Variants in KALRN observed in about 807,000 individuals in gnomAD.
KALRN encodes the protein kalirin.
In KALRN, 70 loss-of-function variants were observed where a neutral mutation model predicts 353.7. The observed-to-expected ratio is 0.20, with a 90% CI of 0.16 to 0.24. The LOEUF (loss-of-function observed/expected upper bound fraction) is 0.24, where lower values mean the gene tolerates loss of function less well. KALRN is among the 10% of genes least tolerant of loss of function. The pLI is 1.00. For missense variants in KALRN, 2,791 were observed against 3,756.7 expected, an observed-to-expected ratio of 0.74 and a Z score of 6.72; for synonymous variants, 1,391 against 1,434.8, an observed-to-expected ratio of 0.97 and a Z score of 0.69.
chr3:124,584,831 G>T, intron 34 of KALRN: 5 of 1,604,588 alleles, frequency 3.1e-6, no homozygotes, highest in Non-Finnish European at 4.3e-6. Flanking sequence ...CATGAAGGGC[G>T]GCGACAGGGC....
intron 1 of KALRN, among the ~76,000 whole-genome samples, chr3:124,135,938 C>A (rs1486995165): frequency 6.6e-6 from 1 of 152,184 alleles, no homozygotes; most frequent in African/African-American, 2.4e-5. Context: ...CTGTTACATT[C>A]CCCATTCTAC....
chr3:124,355,709 CTTTTTTTTTTTT>C (rs3055894), intron 10 of KALRN, among the ~76,000 whole-genome samples: 1 of 97,446 alleles, frequency 1.0e-5, no homozygotes, highest in Non-Finnish European at 2.0e-5. Context: ...TCTCTCCCAT[CTTTTTTTTTTTT>C]TTTTTTTTTT....
chr3:124,108,655 G>A (rs1242239850), intron 1 of KALRN, among the ~76,000 whole-genome samples: 4 of 152,120 alleles, frequency 2.6e-5, no homozygotes, highest in Admixed American at 6.6e-5. Context: ...AGCTCTGTTG[G>A]GATAAATCCT....
chr3:124,137,123 G>C (rs2066017872), intron 1 of KALRN, among the ~76,000 whole-genome samples: 1 of 152,186 alleles, frequency 6.6e-6, no homozygotes, highest in Non-Finnish European at 1.5e-5. Context: ...TCTCATTCTG[G>C]AGGGACGTGC....
intron 11 of KALRN, among the ~76,000 whole-genome samples, chr3:124,387,183 C>A (rs1366047233): frequency 6.6e-6 from 1 of 152,158 alleles, no homozygotes; most frequent in African/African-American, 2.4e-5. Context: ...CAGGAATAGT[C>A]AGGAAGTTAT....
intron 1 of KALRN, among the ~76,000 whole-genome samples, chr3:124,214,818 C>G (rs747959196): frequency 2.0e-5 from 3 of 152,152 alleles, no homozygotes; most frequent in Non-Finnish European, 4.4e-5. Context: ...GTGAACTCCC[C>G]CTACTTACTA....
intron 46 of KALRN, among the ~76,000 whole-genome samples, 154 bp from the exon 47 acceptor site, chr3:124,666,858 C>G (rs574908535): frequency 6.6e-6 from 1 of 152,188 alleles, no homozygotes; most frequent in African/African-American, 2.4e-5. Context: ...GATCGTGTCA[C>G]TCACCCAGAG....
Position 124,718,969 on chromosome 3 carries a change from G to A in KALRN, c.8460G>A (p.Val2820=). Residue 2820 remains valine (V), a synonymous_variant, in exon 60 of 60, where the codon GTG becomes GTA. Coordinates refer to ENST00000682506, the MANE Select transcript of KALRN (RefSeq NM_001388419.1). Reference sequence around the variant, plus strand: ...ACCTACGGATTCCAGTGCCTCGAGTGAAGCTCATTGACTTGGAGGATGCTG... The same window carrying A: ...ACCTACGGATTCCAGTGCCTCGAGTAAAGCTCATTGACTTGGAGGATGCTG... ...LIDLRIPVPR[V]KLIDLEDAVQ... is the part of the protein sequence containing the mutation. The A allele has an allele frequency of 6.2e-7, 1 of 1,614,218 alleles. No individual in the cohort carries two copies. Among genetic ancestry groups the A allele is most frequent in the Middle Eastern group, 1.6e-4 (1 of 6,062 alleles).
intron 15 of KALRN, among the ~76,000 whole-genome samples, chr3:124,424,533 G>A (rs1052480769): frequency 6.6e-6 from 1 of 152,050 alleles, no homozygotes; most frequent in Non-Finnish European, 1.5e-5. Context: ...CTGAGCCATA[G>A]CCCACACATG....
chr3:124,166,149 G>A (rs2070815976), intron 1 of KALRN, among the ~76,000 whole-genome samples: 1 of 151,966 alleles, frequency 6.6e-6, no homozygotes, highest in Non-Finnish European at 1.5e-5. Flanking sequence ...TACCATCCCA[G>A]CGTCACACCC....
chr3:124,276,797 G>A (rs1264573448), intron 5 of KALRN, among the ~76,000 whole-genome samples: 1 of 152,206 alleles, frequency 6.6e-6, no homozygotes, highest in Non-Finnish European at 1.5e-5. Context: ...CCCATGTACT[G>A]TGTGTGGTAG....
Position 124,074,080 on chromosome 3 carries a change from C to G in KALRN, c.73+40267C>G, listed in dbSNP as rs146877408. On this transcript the variant is annotated intron_variant, in intron 1 of 59. Transcript: ENST00000682506. ...GGTTGGAGGTAGTAGGACAAGCAGACTAGATGGATGGGATAGGTTACAAGG... is the reference window on the plus strand; with the variant it reads ...GGTTGGAGGTAGTAGGACAAGCAGAGTAGATGGATGGGATAGGTTACAAGG... 2.7e-4 allele frequency among the ~76,000 whole-genome samples: 41 copies of G among 151,926 alleles called. No homozygotes were observed. The East Asian group carries it at 7.6e-3, about 28-fold the overall frequency.
At chr3:124,536,133 T>A (rs555049816) in intron 33 of KALRN, among the ~76,000 whole-genome samples, 1 of 152,000 alleles carries the variant, frequency 6.6e-6, no homozygotes, top group African/African-American at 2.4e-5. Context: ...TGAGTCTTCG[T>A]TACTAAGAAG....
At chr3:124,522,542 CT>C (rs2067250365) in intron 33 of KALRN, among the ~76,000 whole-genome samples, 1 of 152,150 alleles carries the variant, frequency 6.6e-6, no homozygotes, top group Non-Finnish European at 1.5e-5. Flanking sequence ...CTAGCATTCC[CT>C]TTTTGTGGGG....
intron 21 of KALRN, among the ~76,000 whole-genome samples, chr3:124,447,885 A>G (rs2093891512): frequency 1.3e-5 from 2 of 152,236 alleles, no homozygotes; most frequent in East Asian, 1.9e-4. Flanking sequence ...GCAAAAAGCT[A>G]TGAGCACAGA....
intron 1 of KALRN, among the ~76,000 whole-genome samples, chr3:124,145,580 C>T (rs181549808): frequency 6.6e-6 from 1 of 152,362 alleles, no homozygotes; most frequent in East Asian, 1.9e-4. Flanking sequence ...CTTGCAGTCA[C>T]TGCAGCAGCT....
chr3:124,664,445 C>G (rs1381326585), intron 45 of KALRN, among the ~76,000 whole-genome samples: 1 of 149,614 alleles, frequency 6.7e-6, no homozygotes, highest in African/African-American at 2.5e-5. Flanking sequence ...GAGTCTTGCT[C>G]TGTCGCCCAG....
intron 3 of KALRN, among the ~76,000 whole-genome samples, chr3:124,237,666 A>G (rs1022401124): frequency 6.6e-6 from 1 of 152,118 alleles, no homozygotes; most frequent in Non-Finnish European, 1.5e-5. Flanking sequence ...CCTGACCAAC[A>G]TTTGCTACCT....
rs556722009 is a variant in KALRN, at chr3:124,391,419, A to T, written c.1963-3716A>T. Among the ~76,000 whole-genome samples, 16 of 152,316 alleles carry T rather than the reference A, an allele frequency of 1.1e-4. 1 individual carries two copies. The South Asian group carries it at 3.3e-3, about 32-fold the overall frequency. On this transcript the variant is annotated intron_variant, in intron 11 of 59. Transcript: ENST00000682506. ...GCTGCCAAGCTACCTCACTCACTCC[A>T]TGATTTTACCTAATTAGTTCCAGCA... is the stretch of plus-strand genomic sequence containing the variant.
Sources: gnomAD v4.1 joint callset for allele counts (sites outside exome capture counted in the v4.1 genomes callset) on GRCh38, gnomAD v4.1.1 for gene constraint, MANE v1.5 for transcripts, NCBI Gene and HGNC (gene_info 2026-07-23, HGNC 2026-07-21) for gene names.